PAX2: variants seen among roughly 807,000 people sequenced by gnomAD.
PAX2 encodes the protein paired box protein Pax-2.
PAX2 carries 9 observed loss-of-function variants against 41.7 expected under a neutral mutation model. The ratio of observed to expected loss-of-function variants is 0.22; its 90% CI spans 0.13 to 0.38. PAX2 has a LOEUF of 0.38. PAX2 is among the 10% of genes least tolerant of loss of function. PAX2 has a pLI of 1.00. For missense variants in PAX2, 418 were observed against 531.6 expected, an observed-to-expected ratio of 0.79 and a Z score of 2.10; for synonymous variants, 221 against 212.7, an observed-to-expected ratio of 1.04 and a Z score of -0.34.
At chr10:100,762,174 G>A (rs749925503) in intron 3 of PAX2, among the ~76,000 whole-genome samples, 1 of 151,216 alleles carries the variant, frequency 6.6e-6, no homozygotes, top group Non-Finnish European at 1.5e-5. Context: ...GACCAGACTA[G>A]GCAACAGAGT....
At chr10:100,792,340 T>TGG (rs1847156836) in intron 5 of PAX2, among the ~76,000 whole-genome samples, 1 of 152,128 alleles carries the variant, frequency 6.6e-6, no homozygotes, top group African/African-American at 2.4e-5. Context: ...AAGGGGAGTG[T>TGG]GGGGGAGAAA....
intron 5 of PAX2, among the ~76,000 whole-genome samples, chr10:100,804,635 A>G (rs892929501): frequency 6.6e-6 from 1 of 152,158 alleles, no homozygotes; most frequent in Non-Finnish European, 1.5e-5. Context: ...TCCTCATGCA[A>G]TCACACACAG....
Position 100,748,936 on chromosome 10 carries a change from CGGCAGGCAGGCGA to C in PAX2, c.44-808_44-796del. The C allele has an allele frequency of 3.0e-6, 3 of 985,368 alleles. No individual in the cohort carries two copies. The highest frequency in any genetic ancestry group is 3.6e-6 in the Non-Finnish European group (3 of 829,912). 61.0% of individuals were successfully genotyped at this position (985,368 alleles called of 1,614,324 possible). On this transcript the variant is annotated intron_variant, in intron 1 of 9. Coordinates refer to ENST00000355243, the MANE Select transcript of PAX2 (RefSeq NM_000278.5). The surrounding 1 kb of genome is among the most constrained non-coding windows in gnomAD (Gnocchi z 5.0). Reference sequence around the variant, plus strand: ...GGCCCCAACCAGGCTCTGCGAGGCGCGGCAGGCAGGCGAGCCCAAGCAGCCGGCATTCTCTGCC... The same window carrying C: ...GGCCCCAACCAGGCTCTGCGAGGCGCGCCCAAGCAGCCGGCATTCTCTGCC...
chr10:100,746,096 G>A lies in PAX2; in HGVS notation c.-165G>A. Reference sequence around the variant, plus strand: ...GGCCAACCCGGAGGAGCCCCAGCGGGGAGCGCAGTGCTGCGCCCCCCGCCC... The same window carrying A: ...GGCCAACCCGGAGGAGCCCCAGCGGAGAGCGCAGTGCTGCGCCCCCCGCCC... On this transcript the variant is annotated 5_prime_UTR_variant, in exon 1 of 10. Coordinates refer to ENST00000355243, the MANE Select transcript of PAX2 (RefSeq NM_000278.5). 2 of 1,526,016 alleles carry A rather than the reference G, an allele frequency of 1.3e-6. No individual in the cohort carries two copies. The highest frequency in any genetic ancestry group is 1.7e-6 in the Non-Finnish European group (2 of 1,145,132). 94.5% of individuals were successfully genotyped at this position (1,526,016 alleles called of 1,614,324 possible).
rs1484230903 is a variant in PAX2 at position 100,791,547 on chromosome 10, C to T, written c.616+10182C>T. Among the ~76,000 whole-genome samples the T allele has an allele frequency of 6.6e-6, 1 of 152,174 alleles. No individual in the cohort carries two copies. Among genetic ancestry groups the T allele is most frequent in the East Asian group, 1.9e-4 (1 of 5,196 alleles). On this transcript the variant is annotated intron_variant, in intron 5 of 9. Coordinates refer to ENST00000355243, the MANE Select transcript of PAX2 (RefSeq NM_000278.5). This position sits in a 1 kb window ranked among gnomAD's most constrained non-coding sequence, Gnocchi z 4.5. ...TTTCCTCCTAGGGAGAGCTGGATTC[C>T]ATCCAACAGCCTCCCAGAGCCTGCC...
At chr10:100,752,843 A>G (rs761539553) in intron 3 of PAX2, among the ~76,000 whole-genome samples, 4 of 152,134 alleles carry the variant, frequency 2.6e-5, no homozygotes, top group Non-Finnish European at 4.4e-5. Flanking sequence ...GTTTGGAAAT[A>G]CTTCTATCCT....
chr10:100,751,575 CTT>C (rs753612231), intron 3 of PAX2, among the ~76,000 whole-genome samples: 56 of 152,340 alleles, frequency 3.7e-4, no homozygotes, highest in Middle Eastern at 6.8e-3. Context: ...AGGCTGAAGT[CTT>C]TGCACTGATG....
rs370214925 is a variant in PAX2, at chr10:100,779,578, C to T, written c.491C>T (p.Thr164Ile). Residue 164 changes from threonine (T) to isoleucine (I), a missense_variant, in exon 4 of 10, where the codon ACC becomes ATC. By Grantham distance (89) the Thr-to-Ile change is moderately conservative. Coordinates refer to ENST00000355243, the MANE Select transcript of PAX2 (RefSeq NM_000278.5). Reference protein sequence around the residue: ...AGTGVTAPGHTIVPSTASPPV... With the variant: ...AGTGVTAPGHIIVPSTASPPV... The stretch of plus-strand genomic sequence containing the variant: ...ACAGGAGTGACCGCCCCTGGCCACA[C>T]CATTGGTAAGAGGGCTCAGGGAAGG... The T allele has an allele frequency of 1.9e-6, 3 of 1,582,878 alleles. No individual in the cohort carries two copies. Among genetic ancestry groups the T allele is most frequent in the South Asian group, 1.2e-5 (1 of 86,206 alleles).
intron 5 of PAX2, among the ~76,000 whole-genome samples, chr10:100,798,356 T>C (rs533229905): frequency 6.6e-6 from 1 of 152,158 alleles, no homozygotes; most frequent in South Asian, 2.1e-4. Context: ...GCTCAAGCAA[T>C]CTGCCCACCT....
In PAX2 at chr10:100,827,273, C is replaced by T. The variant is rs1382914505; in HGVS notation, c.1108+178C>T. On this transcript the variant is annotated intron_variant, in intron 9 of 9. Coordinates refer to ENST00000355243, the MANE Select transcript of PAX2 (RefSeq NM_000278.5). The surrounding 1 kb of genome is among the most constrained non-coding windows in gnomAD (Gnocchi z 8.5). The stretch of plus-strand genomic sequence containing the variant: ...CGCCCGCACCTCCTGCCCTCCCGTG[C>T]CCTCCCTGGTCGCTCGAAGGCTCTG... Among the ~76,000 whole-genome samples the T allele has an allele frequency of 6.6e-6, 1 of 152,154 alleles. No homozygotes were observed. Among genetic ancestry groups the T allele is most frequent in the African/African-American group, 2.4e-5 (1 of 41,448 alleles).
At chr10:100,820,996 A>G (rs142012565) in intron 7 of PAX2, among the ~76,000 whole-genome samples, 2 of 152,200 alleles carry the variant, frequency 1.3e-5, no homozygotes, top group African/African-American at 4.8e-5. Flanking sequence ...GTACAGTTTT[A>G]GAGTCTGTCT....
intron 3 of PAX2, among the ~76,000 whole-genome samples, chr10:100,759,168 G>A (rs575305846): frequency 1.3e-5 from 2 of 152,210 alleles, no homozygotes; most frequent in Non-Finnish European, 2.9e-5. Context: ...AAGGTCTTGG[G>A]GGTGGTGGGA....
In PAX2 at chr10:100,817,434, C is replaced by T. The variant is rs144661315; in HGVS notation, c.920-7214C>T. Among the ~76,000 whole-genome samples the T allele has an allele frequency of 4.8e-3, 724 of 152,310 alleles. 6 individuals are homozygous for T. Among genetic ancestry groups the T allele is most frequent in the African/African-American group, 0.016 (680 of 41,564 alleles). On this transcript the variant is annotated intron_variant, in intron 7 of 9. Coordinates refer to ENST00000355243, the MANE Select transcript of PAX2 (RefSeq NM_000278.5). ...TGGTCCAGCTGAATTAGAAGGAAAC[C>T]ACCTCCTGTGAGGCCCTGAGCCAAC...
At chr10:100,779,456 A>C (rs1332400241) in intron 3 of PAX2, 42 bp from the exon 4 acceptor site, 1 of 1,496,410 alleles carries the variant, frequency 6.7e-7, no homozygotes, top group Non-Finnish European at 9.1e-7. Context: ...CCGGGATAGG[A>C]GTGGGCATTT....
chr10:100,787,034 G>A lies in PAX2; in HGVS notation c.616+5669G>A, dbSNP rs528611427. ...GAGGTATGAGGGCCAGAGGGAACAT[G>A]GCGTGGGGGTCAAGGGAAATAGCTT... On this transcript the variant is annotated intron_variant, in intron 5 of 9. Transcript: ENST00000355243. 2.3e-5 allele frequency: 30 copies of A among 1,329,844 alleles called. No homozygotes were observed. The African/African-American group carries it at 4.3e-4, about 19-fold the overall frequency. The allele number at this position is 1,329,844 out of a possible 1,614,324, so 82.4% of individuals were successfully genotyped here.
Position 100,748,856 on chromosome 10 carries a change from G to T in PAX2, c.44-890G>T. On this transcript the variant is annotated intron_variant, in intron 1 of 9. Coordinates refer to ENST00000355243, the MANE Select transcript of PAX2 (RefSeq NM_000278.5). The surrounding 1 kb of genome is among the most constrained non-coding windows in gnomAD (Gnocchi z 5.0). ...TTGGGTCGGCTACACAGGGCGCCCCGAGAGTTATTAACTCGCCAGCGAGGC... is the reference window on the plus strand; with the variant it reads ...TTGGGTCGGCTACACAGGGCGCCCCTAGAGTTATTAACTCGCCAGCGAGGC... 1 of 985,468 alleles carries T rather than the reference G, an allele frequency of 1.0e-6. No homozygotes were observed. The allele number at this position is 985,468 out of a possible 1,614,324, so 61.0% of individuals were successfully genotyped here. A position where few individuals can be genotyped will look rare whatever the true frequency, so the allele number is the denominator to read the frequency against.
At chr10:100,816,979 A>C (rs1003025639) in intron 7 of PAX2, among the ~76,000 whole-genome samples, 2 of 152,220 alleles carry the variant, frequency 1.3e-5, no homozygotes, top group Non-Finnish European at 2.9e-5. Flanking sequence ...CTGACAATTC[A>C]GTGCTCTCAG....
intron 3 of PAX2, among the ~76,000 whole-genome samples, chr10:100,752,879 G>C (rs1377951223): frequency 2.0e-5 from 3 of 152,208 alleles, no homozygotes; most frequent in African/African-American, 7.2e-5. Flanking sequence ...ACAAGGGCCA[G>C]GTGACCCTAG....
chr10:100,758,849 G>A (rs1280290649), intron 3 of PAX2, among the ~76,000 whole-genome samples: 1 of 152,264 alleles, frequency 6.6e-6, no homozygotes, highest in Admixed American at 6.5e-5. Flanking sequence ...GCAAGTGGAA[G>A]GGGATGGGAC....
Sources: gnomAD v4.1 joint callset for allele counts (sites outside exome capture counted in the v4.1 genomes callset) on GRCh38, gnomAD v4.1.1 for gene constraint, Gnocchi (gnomAD v3.1) non-coding constraint, MANE v1.5 for transcripts, NCBI Gene and HGNC (gene_info 2026-07-23, HGNC 2026-07-21) for gene names.